The following SYTL3 variants were observed in gnomAD, a reference collection of about 807,000 sequenced individuals.
SYTL3 encodes the protein synaptotagmin-like protein 3.
In SYTL3, 88 loss-of-function variants were observed where a neutral mutation model predicts 82.1. The observed-to-expected ratio is 1.07, with a 90% CI of 0.90 to 1.28. SYTL3 has a LOEUF of 1.28. Ranked by LOEUF, SYTL3 falls within the 50% of genes most tolerant of loss-of-function variation. The pLI is 0.00. For synonymous variants in SYTL3, 311 were observed against 289.4 expected (o/e 1.07, Z -0.76); for missense variants, 831 against 757.6 (o/e 1.10, Z -1.14).
chr6:158,724,841 C>A (rs1447543078), intron 10 of SYTL3, among the ~76,000 whole-genome samples: 1 of 152,022 alleles, frequency 6.6e-6, no homozygotes, highest in Non-Finnish European at 1.5e-5. Flanking sequence ...ATGGTGAAAC[C>A]CCATCTCTAC....
intron 11 of SYTL3, among the ~76,000 whole-genome samples, chr6:158,740,614 A>G (rs764021764): frequency 2.6e-5 from 4 of 152,174 alleles, no homozygotes; most frequent in African/African-American, 7.2e-5. Flanking sequence ...CTTGCATCCC[A>G]GGAAATTCCT....
intron 5 of SYTL3, among the ~76,000 whole-genome samples, chr6:158,677,042 A>C (rs371198630): frequency 1.3e-5 from 2 of 152,244 alleles, no homozygotes; most frequent in African/African-American, 2.4e-5. Context: ...TTGACCCAGC[A>C]ATCCCATTAC....
intron 5 of SYTL3, among the ~76,000 whole-genome samples, chr6:158,678,548 G>C (rs745897914): frequency 2.0e-5 from 3 of 152,204 alleles, no homozygotes; most frequent in Non-Finnish European, 2.9e-5. Flanking sequence ...TTGAACGTTT[G>C]TGTGCTAGAA....
In SYTL3 at chr6:158,762,071, T is replaced by G; in HGVS notation, c.1415-5T>G. The G allele has an allele frequency of 6.2e-7, 1 of 1,610,116 alleles. No homozygotes were observed. Among genetic ancestry groups the G allele is most frequent in the South Asian group, 1.1e-5 (1 of 90,908 alleles). On this transcript the variant is annotated splice_polypyrimidine_tract_variant and splice_region_variant and intron_variant, in intron 15 of 17. Transcript: ENST00000611299. The stretch of plus-strand genomic sequence containing the variant: ...TTTGACAGTGAATACTGGCTTTCCT[T>G]CCAGGGACAGATCAGCCATCACTTC...
At chr6:158,644,994 A>G in the SYTL3 span, among the ~76,000 whole-genome samples, 132 of 152,272 alleles carry the variant, frequency 8.7e-4, 1 homozygote, top group South Asian at 8.1e-3. Flanking sequence ...AGCAACAGAA[A>G]CAAAACACAC....
intron 10 of SYTL3, among the ~76,000 whole-genome samples, chr6:158,719,442 CG>C (rs1210623307): frequency 6.6e-6 from 1 of 152,090 alleles, no homozygotes; most frequent in Admixed American, 6.6e-5. Flanking sequence ...GCGGGGTGGA[CG>C]TGAGATGAGG....
rs758441574 is a variant in SYTL3 at position 158,764,857 on chromosome 6, G to C, written c.*253G>C. ...AGAAAATGGCCAGATTTTAATAAACGTTGTTACCCATGTCCTCCAGTGCTT... is the reference window on the plus strand; with the variant it reads ...AGAAAATGGCCAGATTTTAATAAACCTTGTTACCCATGTCCTCCAGTGCTT... On this transcript the variant is annotated 3_prime_UTR_variant, in exon 18 of 18. Transcript: ENST00000611299. 5.1e-6 allele frequency: 2 copies of C among 390,044 alleles called. No homozygotes were observed. The highest frequency in any genetic ancestry group is 9.3e-6 in the Non-Finnish European group (2 of 215,586). 24.2% of individuals were successfully genotyped at this position (390,044 alleles called of 1,614,324 possible). A position where few individuals can be genotyped will look rare whatever the true frequency, so the allele number is the denominator to read the frequency against.
Position 158,757,070 on chromosome 6 carries a change from G to A in SYTL3, c.1138-141G>A, listed in dbSNP as rs911414231. On this transcript the variant is annotated intron_variant, in intron 13 of 17. Coordinates refer to ENST00000611299, the MANE Select transcript of SYTL3 (RefSeq NM_001242394.2). ...CCACATCAGGTCCCTGGCTGCATCCGCATCTTGGACTCAGCCTGTGGGAGG... is the reference window on the plus strand; with the variant it reads ...CCACATCAGGTCCCTGGCTGCATCCACATCTTGGACTCAGCCTGTGGGAGG... 2.4e-5 allele frequency: 13 copies of A among 538,404 alleles called. No homozygotes were observed. In the Admixed American group the frequency reaches 3.1e-4, roughly 13 times the overall value. 33.4% of individuals were successfully genotyped at this position (538,404 alleles called of 1,614,324 possible). A position where few individuals can be genotyped will look rare whatever the true frequency, so the allele number is the denominator to read the frequency against.
At chr6:158,690,779 C>T (rs925052140) in intron 6 of SYTL3, among the ~76,000 whole-genome samples, 2 of 152,104 alleles carry the variant, frequency 1.3e-5, no homozygotes, top group African/African-American at 4.8e-5. Flanking sequence ...AAAATAATTT[C>T]TTTGATGCCA....
intron 11 of SYTL3, among the ~76,000 whole-genome samples, chr6:158,737,263 T>C (rs955600080): frequency 1.1e-4 from 17 of 152,164 alleles, no homozygotes; most frequent in Non-Finnish European, 2.5e-4. Context: ...GTAAGATAAT[T>C]GGTCAAGATC....
chr6:158,763,405 T>TA lies in SYTL3; in HGVS notation c.1621dup (p.Thr541AsnfsTer73). On this transcript the variant is annotated frameshift_variant, in exon 17 of 18. Coordinates refer to ENST00000611299, the MANE Select transcript of SYTL3 (RefSeq NM_001242394.2). LOFTEE classifies it high-confidence loss of function. ...AAACACTCATTTGTCTTCAGTGGCG[T>TA]AACCCCAGCTCAGCTGAGGCAGTCA... 1 of 1,614,208 alleles carries TA rather than the reference T, an allele frequency of 6.2e-7. No homozygotes were observed. Among genetic ancestry groups the TA allele is most frequent in the South Asian group, 1.1e-5 (1 of 91,086 alleles).
intron 6 of SYTL3, among the ~76,000 whole-genome samples, chr6:158,701,798 A>G (rs1359836937): frequency 6.6e-6 from 1 of 151,892 alleles, no homozygotes; most frequent in Admixed American, 6.6e-5. Context: ...GGTAGGCCGA[A>G]ATTGAGGTGT....
At chr6:158,706,363 C>T (rs1378064638) in intron 6 of SYTL3, among the ~76,000 whole-genome samples, 1 of 152,144 alleles carries the variant, frequency 6.6e-6, no homozygotes, top group African/African-American at 2.4e-5. Flanking sequence ...AAAGGCCAGC[C>T]CATCTGATTT....
intron 8 of SYTL3, among the ~76,000 whole-genome samples, chr6:158,712,793 C>G (rs1562410158): frequency 7.0e-6 from 1 of 142,012 alleles, no homozygotes; most frequent in African/African-American, 2.6e-5. Context: ...GAGTCTCGCT[C>G]TATTGCCCAG....
intron 14 of SYTL3, among the ~76,000 whole-genome samples, chr6:158,758,567 G>T (rs1461529198): frequency 6.6e-6 from 1 of 152,172 alleles, no homozygotes; most frequent in East Asian, 1.9e-4. Flanking sequence ...TCCGGAGCCA[G>T]CGCAGCTGGG....
At chr6:158,716,667 C>G (rs568755172) in intron 9 of SYTL3, among the ~76,000 whole-genome samples, 1 of 152,304 alleles carries the variant, frequency 6.6e-6, no homozygotes, top group African/African-American at 2.4e-5. Context: ...GAAAGAGATA[C>G]TGCAAGACTC....
At chr6:158,695,614 G>GT (rs1458159813) in intron 6 of SYTL3, among the ~76,000 whole-genome samples, 2 of 152,086 alleles carry the variant, frequency 1.3e-5, no homozygotes, top group African/African-American at 4.8e-5. Context: ...TATTTGCATT[G>GT]TTATGCAAAC....
chr6:158,726,722 T>C, intron 11 of SYTL3: 1 of 252,096 alleles, frequency 4.0e-6, no homozygotes, highest in Non-Finnish European at 7.9e-6. Flanking sequence ...AGCATCTAAT[T>C]TCCCATACTG....
chr6:158,690,329 T>C (rs1298906924), intron 6 of SYTL3, among the ~76,000 whole-genome samples: 1 of 152,208 alleles, frequency 6.6e-6, no homozygotes, highest in Non-Finnish European at 1.5e-5. Context: ...CAGCACTGAG[T>C]AGGCACCTTA....
Sources: allele counts gnomAD v4.1 joint callset (sites outside exome capture counted in the v4.1 genomes callset), GRCh38; gene constraint gnomAD v4.1.1; transcripts MANE v1.5; gene names NCBI Gene and HGNC (gene_info 2026-07-23, HGNC 2026-07-21).